The following HSPA14 variants were observed in gnomAD, a reference collection of about 807,000 sequenced individuals.
HSPA14 encodes the protein heat shock 70 kDa protein 14.
A neutral mutation model predicts 65.5 loss-of-function variants in HSPA14; 37 were observed. That is an observed-to-expected ratio of 0.56 (90% CI 0.43 to 0.74). HSPA14 has a LOEUF of 0.74. Ranked by LOEUF, HSPA14 falls within the 30% of genes least tolerant of loss-of-function variation. HSPA14 has a pLI of 0.00. For synonymous variants in HSPA14, 203 were observed against 214.2 expected (o/e 0.95, Z 0.46); for missense variants, 564 against 607.6 (o/e 0.93, Z 0.75).
At chr10:14,868,268 C>T (rs1219020426) in intron 12 of HSPA14, among the ~76,000 whole-genome samples, 1 of 152,144 alleles carries the variant, frequency 6.6e-6, no homozygotes, top group Non-Finnish European at 1.5e-5. Context: ...CCTGTGATAG[C>T]AAATACCCTT....
chr10:14,838,807 C>T (rs1007347653), intron 1 of HSPA14, among the ~76,000 whole-genome samples: 1 of 151,906 alleles, frequency 6.6e-6, no homozygotes, highest in Non-Finnish European at 1.5e-5. Flanking sequence ...CGGGGGGTCC[C>T]GGGGACGGCG....
Position 14,851,206 on chromosome 10 carries a change from A to G in HSPA14, c.468-13A>G, listed in dbSNP as rs1834106330. 6.9e-7 allele frequency: 1 copy of G among 1,454,386 alleles called. No homozygotes were observed. Among genetic ancestry groups the G allele is most frequent in the Non-Finnish European group, 9.5e-7 (1 of 1,050,410 alleles). The allele number at this position is 1,454,386 out of a possible 1,614,324, so 90.1% of individuals were successfully genotyped here. A position where few individuals can be genotyped will look rare whatever the true frequency, so the allele number is the denominator to read the frequency against. On this transcript the variant is annotated splice_polypyrimidine_tract_variant and intron_variant, in intron 6 of 13. Coordinates refer to ENST00000378372, the MANE Select transcript of HSPA14 (RefSeq NM_016299.4). Reference sequence around the variant, plus strand: ...GTGATAAATTAAATTCATTGAAAGCAAATTGTTCACAGAGAAGCAGCTAGA... The same window carrying G: ...GTGATAAATTAAATTCATTGAAAGCGAATTGTTCACAGAGAAGCAGCTAGA...
At chr10:14,840,341 A>T (rs10906772) in intron 3 of HSPA14, among the ~76,000 whole-genome samples, 184 bp downstream of exon 3, 14,996 of 152,196 alleles carry the variant, frequency 0.099, 989 homozygotes, top group Non-Finnish European at 0.15. Flanking sequence ...ATCTTCTCTG[A>T]TATGGGATTC....
chr10:14,866,976 G>C, intron 10 of HSPA14, 107 bp from the exon 11 acceptor site: 1 of 737,974 alleles, frequency 1.4e-6, no homozygotes, highest in Admixed American at 2.4e-5. Context: ...GGCTTTTTTT[G>C]TATTTTATCT....
intron 10 of HSPA14, among the ~76,000 whole-genome samples, chr10:14,866,806 T>G (rs1832810804): frequency 6.6e-6 from 1 of 152,218 alleles, no homozygotes. Context: ...CACAGTATGA[T>G]GAACCAAGTA....
chr10:14,855,907 A>C lies in HSPA14; in HGVS notation c.957A>C (p.Leu319Phe), dbSNP rs1338505107. 6.2e-7 allele frequency: 1 copy of C among 1,605,608 alleles called. No individual in the cohort carries two copies. Among genetic ancestry groups the C allele is most frequent in the Non-Finnish European group, 8.5e-7 (1 of 1,172,798 alleles). The change falls in exon 10 of 14, where the codon TTA (leucine) becomes TTC (phenylalanine). Residue 319 changes from leucine (L) to phenylalanine (F), a missense_variant. Leu to Phe is a conservative substitution (Grantham distance 22, BLOSUM62 0). Transcript: ENST00000378372. ...NKCIEAIRGL[L>F]DQNGFTADDI... ...GTATAGAAGCAATCAGAGGACTCTT[A>C]GATCAAAATGGATTTACAGCAGATG...
intron 6 of HSPA14, 70 bp downstream of exon 6, chr10:14,849,881 A>C: frequency 2.2e-6 from 2 of 925,266 alleles, no homozygotes; most frequent in Non-Finnish European, 3.4e-6. Flanking sequence ...GTAAAAGGTA[A>C]CATTGTATTT....
chr10:14,843,912 C>T, intron 3 of HSPA14: 2 of 1,535,552 alleles, frequency 1.3e-6, no homozygotes, highest in Non-Finnish European at 1.7e-6. Flanking sequence ...TTACAAAAGG[C>T]TCTGCTTCCT....
chr10:14,870,758 A>G, intron 13 of HSPA14, 91 bp downstream of exon 13: 1 of 1,188,234 alleles, frequency 8.4e-7, no homozygotes, highest in Non-Finnish European at 1.1e-6. Context: ...TTGTCATTCT[A>G]GAAGAAACAT....
At chr10:14,849,902 T>C (rs1006647694) in intron 6 of HSPA14, 91 bp downstream of exon 6, 3 of 734,312 alleles carry the variant, frequency 4.1e-6, no homozygotes, top group Non-Finnish European at 6.9e-6. Flanking sequence ...TAAAGTACCT[T>C]AGGCGATAAA....
rs566032815 is a variant in HSPA14, at chr10:14,854,466, T to G, written c.890+186T>G. ...CTGTTACCAGAGTAATTACATAAGT[T>G]GTGATTGCTTGCCCTGTTATTTTAT... On this transcript the variant is annotated intron_variant, in intron 9 of 13. Coordinates refer to ENST00000378372, the MANE Select transcript of HSPA14 (RefSeq NM_016299.4). Among the ~76,000 whole-genome samples, 6 of 152,326 alleles carry G rather than the reference T, an allele frequency of 3.9e-5. 1 individual carries two copies. The South Asian group carries it at 1.2e-3, about 32-fold the overall frequency.
rs1834093258 is a variant in HSPA14 at position 14,849,730 on chromosome 10, A to G, written c.386A>G (p.His129Arg). The G allele has an allele frequency of 6.2e-7, 1 of 1,604,000 alleles. No individual in the cohort carries two copies. The highest frequency in any genetic ancestry group is 1.1e-5 in the South Asian group (1 of 88,730). Reference protein sequence around the residue: ...LIFSKMKETAHSVLGSDANDV... With the variant: ...LIFSKMKETARSVLGSDANDV... ...ATTTTTTAATATGCAGAAACGGCAC[A>G]TTCTGTATTGGGCTCAGATGCAAAT... The change falls in exon 6 of 14, where the codon CAT becomes CGT. Residue 129 changes from histidine (H) to arginine (R), a missense_variant. Transcript: ENST00000378372.
At chr10:14,846,095 T>A in intron 3 of HSPA14, 1 of 983,530 alleles carries the variant, frequency 1.0e-6, no homozygotes, top group Non-Finnish European at 1.2e-6. Flanking sequence ...CTCATGAACT[T>A]CTAAGTGCCA....
At position 14,842,483 on chromosome 10, in the gene HSPA14, A is replaced by T; in HGVS notation, c.221+2326A>T. On this transcript the variant is annotated intron_variant, in intron 3 of 13. Coordinates refer to ENST00000378372, the MANE Select transcript of HSPA14 (RefSeq NM_016299.4). The surrounding 1 kb of genome is among the most constrained non-coding windows in gnomAD (Gnocchi z 5.2). ...CGAACGTCAGTGCCGCTCCAAGTTTAAAGTTCTGAAGGCATTATATTTAAA... is the reference window on the plus strand; with the variant it reads ...CGAACGTCAGTGCCGCTCCAAGTTTTAAGTTCTGAAGGCATTATATTTAAA... 6.5e-7 allele frequency: 1 copy of T among 1,536,152 alleles called. No individual in the cohort carries two copies. The highest frequency in any genetic ancestry group is 8.7e-7 in the Non-Finnish European group (1 of 1,146,916).
chr10:14,869,243 G>C (rs1305954925), intron 12 of HSPA14, among the ~76,000 whole-genome samples: 6 of 151,184 alleles, frequency 4.0e-5, no homozygotes, highest in African/African-American at 1.5e-4. Context: ...GTGTGTGTGT[G>C]TGTGTGTGTG....
At chr10:14,867,685 A>T (rs1329694320) in intron 11 of HSPA14, 51 bp from the exon 12 acceptor site, 2 of 1,520,536 alleles carry the variant, frequency 1.3e-6, no homozygotes, top group Non-Finnish European at 1.8e-6. Flanking sequence ...AGTTTTTTTC[A>T]ATTGTAAAGA....
At position 14,838,495 on chromosome 10, in the gene HSPA14, C is replaced by G. The variant is rs745456948; in HGVS notation, c.57+36C>G. The G allele has an allele frequency of 2.6e-6, 4 of 1,557,170 alleles. No individual in the cohort carries two copies. In the Admixed American group the frequency reaches 5.6e-5, roughly 22 times the overall value. ...GCGGAGCTGGGCTAGGGCTTCATGA[C>G]GGCCACCCGGTTTTCTGGCGCTGGG... On this transcript the variant is annotated intron_variant, in intron 1 of 13. Coordinates refer to ENST00000378372, the MANE Select transcript of HSPA14 (RefSeq NM_016299.4).
chr10:14,865,405 T>C (rs1038155394), intron 10 of HSPA14, among the ~76,000 whole-genome samples: 12 of 152,238 alleles, frequency 7.9e-5, no homozygotes, highest in Admixed American at 2.0e-4. Flanking sequence ...CCCATGCCTA[T>C]GTCCTGAATG....
intron 3 of HSPA14, chr10:14,845,042 A>G (rs1422479961): frequency 6.1e-6 from 6 of 985,328 alleles, no homozygotes; most frequent in African/African-American, 1.7e-5. Context: ...TGGGAACACT[A>G]GAGGATGGTG....
Sources: gnomAD v4.1 joint callset for allele counts (sites outside exome capture counted in the v4.1 genomes callset) on GRCh38, gnomAD v4.1.1 for gene constraint, Gnocchi (gnomAD v3.1) non-coding constraint, MANE v1.5 for transcripts, NCBI Gene and HGNC (gene_info 2026-07-23, HGNC 2026-07-21) for gene names.